The following GSE1 variants were observed in gnomAD, a reference collection of about 807,000 sequenced individuals.
The protein encoded by GSE1 is genetic suppressor element 1.
In GSE1, 32 loss-of-function variants were observed where a neutral mutation model predicts 112.6. The ratio of observed to expected loss-of-function variants is 0.28; its 90% CI spans 0.21 to 0.38. The LOEUF (loss-of-function observed/expected upper bound fraction) is 0.38. Ranked by LOEUF, GSE1 falls within the 10% of genes least tolerant of loss-of-function variation. The pLI is 1.00. For missense variants in GSE1, 2,348 were observed against 1,699.2 expected (o/e 1.38, Z -6.71); for synonymous variants, 1,115 against 735.6 (o/e 1.52, Z -8.35).
intron 2 of GSE1, among the ~76,000 whole-genome samples, chr16:85,636,217 A>G (rs1438542962): frequency 6.6e-6 from 1 of 152,214 alleles, no homozygotes; most frequent in Non-Finnish European, 1.5e-5. Flanking sequence ...ACTGAATGGC[A>G]GAGGGTCGGG....
chr16:85,609,157 GC>G (rs1018437992), upstream of GSE1, among the ~76,000 whole-genome samples: 4 of 152,212 alleles, frequency 2.6e-5, no homozygotes, highest in African/African-American at 9.7e-5. Flanking sequence ...CTGCCCCCTT[GC>G]CTTCCAAATT....
chr16:85,615,175 T>G (rs944121441), intron 1 of GSE1, among the ~76,000 whole-genome samples: 65 of 152,156 alleles, frequency 4.3e-4, no homozygotes, highest in African/African-American at 1.5e-3. Flanking sequence ...CGGCAGAACC[T>G]GAGGCACAGG....
intron 1 of GSE1, among the ~76,000 whole-genome samples, chr16:85,235,557 CTATA>C (rs201630800): frequency 1.1e-5 from 1 of 93,800 alleles, no homozygotes; most frequent in Non-Finnish European, 2.1e-5. Flanking sequence ...GATAAAGGGA[CTATA>C]TGTGTGTGTG....
intron 1 of GSE1, among the ~76,000 whole-genome samples, chr16:85,586,625 C>G (rs1163503562): frequency 1.3e-5 from 2 of 152,214 alleles, no homozygotes; most frequent in African/African-American, 2.4e-5. Flanking sequence ...CTCACGGGCC[C>G]GACGCCGGCC....
At chr16:85,324,898 A>T (rs981394668) in intron 1 of GSE1, among the ~76,000 whole-genome samples, 1 of 152,180 alleles carries the variant, frequency 6.6e-6, no homozygotes, top group African/African-American at 2.4e-5. Context: ...TGAAATGTAA[A>T]AAGCACTGAG....
chr16:85,205,164 C>T lies in GSE1; in HGVS notation c.2283+33357C>T, dbSNP rs141867025. ...TATTTTTTTGAGACAGAGTCTCGCT[C>T]TGTCACCCAGGCTGGAGTACAGTGG... On this transcript the variant is annotated intron_variant, in intron 1 of 2. Coordinates refer to the GSE1 transcript ENST00000637419. Among the ~76,000 whole-genome samples, 38 of 152,290 alleles carry T rather than the reference C, an allele frequency of 2.5e-4. No homozygotes were observed. In the East Asian group the frequency reaches 3.1e-3, roughly 12 times the overall value.
chr16:85,235,254 C>T (rs1386602513), intron 1 of GSE1, among the ~76,000 whole-genome samples: 2 of 152,164 alleles, frequency 1.3e-5, no homozygotes, highest in East Asian at 2.0e-4. Flanking sequence ...ACCCCCCGGC[C>T]GCCTCTGGCT....
At chr16:85,668,623 G>C (rs558025707) in intron 14 of GSE1, among the ~76,000 whole-genome samples, 199 bp downstream of exon 14, 4 of 152,284 alleles carry the variant, frequency 2.6e-5, no homozygotes, top group South Asian at 2.1e-4. Context: ...GGCCAGTCTT[G>C]CTAGGGCATC....
intron 1 of GSE1, among the ~76,000 whole-genome samples, chr16:85,331,361 GTGTGTA>G (rs1218471357): frequency 4.5e-5 from 3 of 66,978 alleles, no homozygotes; most frequent in Non-Finnish European, 6.8e-5. Flanking sequence ...GTGTGTGTGT[GTGTGTA>G]TATATGTATA....
intron 2 of GSE1, among the ~76,000 whole-genome samples, chr16:85,550,238 C>G (rs934189585): frequency 1.4e-4 from 22 of 152,242 alleles, no homozygotes; most frequent in Middle Eastern, 3.4e-3. Context: ...AATGAACATG[C>G]ACTCTGGAGC....
At chr16:85,239,518 C>G (rs1224084164) in intron 1 of GSE1, among the ~76,000 whole-genome samples, 2 of 152,218 alleles carry the variant, frequency 1.3e-5, no homozygotes, top group African/African-American at 4.8e-5. Context: ...CTGGGCTCCA[C>G]CTGCAAGCCT....
intron 2 of GSE1, among the ~76,000 whole-genome samples, chr16:85,465,001 G>A (rs1467100304): frequency 1.3e-5 from 2 of 152,214 alleles, no homozygotes; most frequent in East Asian, 1.9e-4. Flanking sequence ...CAGTGTGCTC[G>A]TTTTTCAGGG....
chr16:85,268,832 AC>A (rs1908530227), intron 1 of GSE1, among the ~76,000 whole-genome samples: 1 of 151,456 alleles, frequency 6.6e-6, no homozygotes, highest in African/African-American at 2.4e-5. Flanking sequence ...GGACTTTGGG[AC>A]CCCCGTGCTC....
Position 85,467,056 on chromosome 16 carries a change from A to G in GSE1, c.2464+109413A>G, listed in dbSNP as rs116390614. 6.5e-3 allele frequency among the ~76,000 whole-genome samples: 984 copies of G among 152,334 alleles called. 11 individuals are homozygous for G. Among genetic ancestry groups the G allele is most frequent in the African/African-American group, 0.022 (934 of 41,584 alleles). On this transcript the variant is annotated intron_variant, in intron 2 of 2. Coordinates refer to the GSE1 transcript ENST00000637419. ...GCCTGGGCGACTCCATCTTAAAAAT[A>G]AATAAAAAGGAAGAGGCCAGGTAGG...
intron 2 of GSE1, among the ~76,000 whole-genome samples, chr16:85,471,075 C>T (rs2050279316): frequency 6.6e-6 from 1 of 152,168 alleles, no homozygotes; most frequent in Non-Finnish European, 1.5e-5. Flanking sequence ...ATGGACGCCT[C>T]CGTGGCATGT....
intron 1 of GSE1, among the ~76,000 whole-genome samples, chr16:85,629,267 T>C (rs546929722): frequency 6.6e-6 from 1 of 152,340 alleles, no homozygotes; most frequent in Non-Finnish European, 1.5e-5. Flanking sequence ...GACAGCCTAG[T>C]TCAGCCACCC....
intron 1 of GSE1, among the ~76,000 whole-genome samples, chr16:85,590,376 TGA>T (rs907721655): frequency 1.1e-3 from 166 of 149,174 alleles, no homozygotes; most frequent in African/African-American, 3.4e-3. Context: ...TGTGAGTGTG[TGA>T]GATTGTGTGA....
At chr16:85,460,708 G>T (rs549345209) in intron 2 of GSE1, among the ~76,000 whole-genome samples, 2 of 152,228 alleles carry the variant, frequency 1.3e-5, no homozygotes, top group African/African-American at 4.8e-5. Flanking sequence ...GGCCAGGGCG[G>T]AGCACCCATG....
intron 2 of GSE1, among the ~76,000 whole-genome samples, chr16:85,470,403 C>T (rs1485490874): frequency 6.7e-6 from 1 of 150,142 alleles, no homozygotes; most frequent in Non-Finnish European, 1.5e-5. Context: ...AGGACTTGCC[C>T]GAGGCCCCGG....
Sources: allele counts gnomAD v4.1 joint callset (sites outside exome capture counted in the v4.1 genomes callset), GRCh38; gene constraint gnomAD v4.1.1; transcripts MANE v1.5; gene names NCBI Gene and HGNC (gene_info 2026-07-23, HGNC 2026-07-21).